Variants in PRKG1 observed in about 807,000 individuals in gnomAD.
PRKG1 encodes the protein cGMP-dependent protein kinase 1.
In PRKG1, 35 loss-of-function variants were observed where a neutral mutation model predicts 88.1. That is an observed-to-expected ratio of 0.40 (90% CI 0.30 to 0.53). The LOEUF (loss-of-function observed/expected upper bound fraction) is 0.53. PRKG1 is among the 20% of genes least tolerant of loss of function. The pLI is 0.59. For missense variants in PRKG1, 540 were observed against 839.8 expected (o/e 0.64, Z 4.41); for synonymous variants, 303 against 292.5 (o/e 1.04, Z -0.37).
intron 3 of PRKG1, chr10:51,568,863 A>G (rs79504766): frequency 0.021 from 3,260 of 152,204 alleles, 43 homozygotes; most frequent in Non-Finnish European, 0.036. Flanking sequence ...ACTTGTAATG[A>G]TCAGGGATGG....
intron 2 of PRKG1, among the ~76,000 whole-genome samples, chr10:51,279,297 T>G (rs1840224196): frequency 6.6e-6 from 1 of 152,234 alleles, no homozygotes; most frequent in African/African-American, 2.4e-5. Context: ...AGTTCTAGTT[T>G]GATTGCACTG....
intron 9 of PRKG1, among the ~76,000 whole-genome samples, chr10:52,212,497 G>T (rs1840004133): frequency 1.3e-5 from 2 of 151,782 alleles, no homozygotes; most frequent in African/African-American, 4.8e-5. Flanking sequence ...TTTCTTCCCT[G>T]TTCCTTGATT....
At chr10:51,021,407 A>G (rs1208918312) in intron 1 of PRKG1, among the ~76,000 whole-genome samples, 1 of 152,194 alleles carries the variant, frequency 6.6e-6, no homozygotes, top group Non-Finnish European at 1.5e-5. Flanking sequence ...CAGCAAATCT[A>G]ACTTTTGCTA....
At chr10:52,180,936 T>C in intron 9 of PRKG1, among the ~76,000 whole-genome samples, 1 of 152,222 alleles carries the variant, frequency 6.6e-6, no homozygotes, top group African/African-American at 2.4e-5. Context: ...GCCTGGCTTC[T>C]CAGCTGGCCT....
rs572895719 is a variant in PRKG1, at chr10:52,277,765, T to C, written c.1404-3024T>C. Among the ~76,000 whole-genome samples, 4 of 152,320 alleles carry C rather than the reference T, an allele frequency of 2.6e-5. No individual in the cohort carries two copies. The South Asian group carries it at 8.3e-4, about 32-fold the overall frequency. On this transcript the variant is annotated intron_variant, in intron 12 of 17. Transcript: ENST00000373980. ...CTGCTAATGACCAGCTTATTCAGAA[T>C]ATAAGTATAATATTCTGCAGACATT...
At chr10:51,046,054 G>T (rs569240079) in intron 1 of PRKG1, among the ~76,000 whole-genome samples, 2 of 152,276 alleles carry the variant, frequency 1.3e-5, no homozygotes, top group South Asian at 4.1e-4. Flanking sequence ...AGTAGATAGC[G>T]CCAGGGTCTA....
At chr10:51,636,096 T>G (rs1839648967) in intron 3 of PRKG1, among the ~76,000 whole-genome samples, 2 of 152,316 alleles carry the variant, frequency 1.3e-5, no homozygotes, top group South Asian at 4.1e-4. Context: ...CTTGGTCTTA[T>G]TTTTATTTTA....
At chr10:51,547,521 C>T (rs776488514) in intron 3 of PRKG1, among the ~76,000 whole-genome samples, 1 of 152,050 alleles carries the variant, frequency 6.6e-6, no homozygotes, top group Non-Finnish European at 1.5e-5. Flanking sequence ...AGAAGAATTA[C>T]ATTTGATTTT....
At chr10:51,351,463 AT>A (rs1842243985) in intron 2 of PRKG1, among the ~76,000 whole-genome samples, 1 of 152,070 alleles carries the variant, frequency 6.6e-6, no homozygotes, top group African/African-American at 2.4e-5. Flanking sequence ...CTGGTATGAC[AT>A]GGTATCTCAT....
chr10:51,781,056 G>A (rs1434892846), intron 3 of PRKG1, among the ~76,000 whole-genome samples: 8 of 152,186 alleles, frequency 5.3e-5, no homozygotes, highest in African/African-American at 1.4e-4. Flanking sequence ...ATGTCTCGTT[G>A]GATGGGGTGG....
At position 50,991,723 on chromosome 10, in the gene PRKG1, G is replaced by C. The variant is rs1032553661; in HGVS notation, c.266+79G>C. The C allele has an allele frequency of 9.2e-7, 1 of 1,085,256 alleles. No individual in the cohort carries two copies. Among genetic ancestry groups the C allele is most frequent in the Non-Finnish European group, 1.1e-6 (1 of 887,238 alleles). 67.2% of individuals were successfully genotyped at this position (1,085,256 alleles called of 1,614,324 possible). A position where few individuals can be genotyped will look rare whatever the true frequency, so the allele number is the denominator to read the frequency against. On this transcript the variant is annotated intron_variant, in intron 1 of 17. Coordinates refer to the PRKG1 transcript ENST00000401604. This position sits in a 1 kb window ranked among gnomAD's most constrained non-coding sequence, Gnocchi z 4.5. Reference sequence around the variant, plus strand: ...CTGGGGGCTCTGGCCGCGGCGGCGGGGGCGGGTCGGCCCAGGGCGCCCCCT... The same window carrying C: ...CTGGGGGCTCTGGCCGCGGCGGCGGCGGCGGGTCGGCCCAGGGCGCCCCCT...
chr10:52,152,657 C>G (rs1837966564), intron 8 of PRKG1, among the ~76,000 whole-genome samples: 1 of 152,084 alleles, frequency 6.6e-6, no homozygotes, highest in Non-Finnish European at 1.5e-5. Flanking sequence ...TAGAGGTCAG[C>G]AGAAGAGTGA....
chr10:51,029,548 T>C (rs2132744400), intron 1 of PRKG1, among the ~76,000 whole-genome samples: 1 of 152,236 alleles, frequency 6.6e-6, no homozygotes, highest in East Asian at 1.9e-4. Flanking sequence ...CATTAGGAAA[T>C]GTGTTGGAAT....
intron 2 of PRKG1, among the ~76,000 whole-genome samples, chr10:51,432,629 G>A (rs2132728279): frequency 6.6e-6 from 1 of 152,262 alleles, no homozygotes; most frequent in Non-Finnish European, 1.5e-5. Flanking sequence ...AATGGCTGGG[G>A]AAGAAAAGGT....
chr10:51,268,608 C>T (rs576797231), intron 2 of PRKG1, among the ~76,000 whole-genome samples: 2 of 152,282 alleles, frequency 1.3e-5, no homozygotes, highest in South Asian at 2.1e-4. Context: ...GTTCCCTGTA[C>T]ATTGCTGTTA....
At chr10:51,672,358 T>C (rs1304977983) in intron 3 of PRKG1, among the ~76,000 whole-genome samples, 3 of 152,118 alleles carry the variant, frequency 2.0e-5, no homozygotes, top group Non-Finnish European at 4.4e-5. Flanking sequence ...ACTAATTCTC[T>C]CTTTCTTCCT....
chr10:51,032,564 T>A (rs1380131103), intron 1 of PRKG1, among the ~76,000 whole-genome samples: 1 of 151,964 alleles, frequency 6.6e-6, no homozygotes, highest in Non-Finnish European at 1.5e-5. Context: ...TTCGAGACCA[T>A]CCTGGCCAAC....
At chr10:52,106,524 T>G (rs913258943) in intron 7 of PRKG1, among the ~76,000 whole-genome samples, 1 of 152,014 alleles carries the variant, frequency 6.6e-6, no homozygotes, top group Admixed American at 6.6e-5. Context: ...TACTAGATCA[T>G]GTACTTTAGG....
At chr10:51,085,659 G>A (rs763042451) in intron 1 of PRKG1, among the ~76,000 whole-genome samples, 50 of 151,888 alleles carry the variant, frequency 3.3e-4, no homozygotes, top group Non-Finnish European at 2.2e-4. Flanking sequence ...CTGAGCAAAT[G>A]GATTTTACTT....
Sources: gnomAD v4.1 joint callset for allele counts (sites outside exome capture counted in the v4.1 genomes callset) on GRCh38, gnomAD v4.1.1 for gene constraint, Gnocchi (gnomAD v3.1) non-coding constraint, MANE v1.5 for transcripts, NCBI Gene and HGNC (gene_info 2026-07-23, HGNC 2026-07-21) for gene names.